Variants in HUNK observed in about 807,000 individuals in gnomAD.
The protein encoded by HUNK is hormonally up-regulated Neu-associated kinase.
HUNK carries 21 observed loss-of-function variants against 61.0 expected under a neutral mutation model. The observed-to-expected ratio is 0.34, with a 90% CI of 0.24 to 0.50. HUNK has a LOEUF of 0.50. Among genes scored for constraint, HUNK ranks in the 20% least tolerant of loss-of-function variants. The probability of loss-of-function intolerance (pLI) is 0.98; values close to 1 mark genes in which losing one functional copy is unlikely to be tolerated. For synonymous variants in HUNK, 371 were observed against 386.1 expected, an observed-to-expected ratio of 0.96 and a Z score of 0.46; for missense variants, 772 against 945.7, an observed-to-expected ratio of 0.82 and a Z score of 2.41.
chr21:31,900,314 T>C (rs1263792176), intron 1 of HUNK, among the ~76,000 whole-genome samples: 1 of 152,020 alleles, frequency 6.6e-6, no homozygotes, highest in Non-Finnish European at 1.5e-5. Context: ...GGAGGTAGTT[T>C]CTCCCCGCTC....
At chr21:31,987,864 C>T (rs2053144720) in intron 8 of HUNK, among the ~76,000 whole-genome samples, 1 of 152,166 alleles carries the variant, frequency 6.6e-6, no homozygotes, top group Non-Finnish European at 1.5e-5. Context: ...CACCACATGG[C>T]AGGGGGTGGA....
At chr21:31,949,716 A>G (rs1203877575) in intron 4 of HUNK, among the ~76,000 whole-genome samples, 1 of 152,106 alleles carries the variant, frequency 6.6e-6, no homozygotes, top group East Asian at 1.9e-4. Flanking sequence ...AAAGAGCTCT[A>G]TTTGGCTCAT....
rs569539039 is a variant in HUNK, at chr21:31,999,877, T to C, written c.*693T>C. On this transcript the variant is annotated 3_prime_UTR_variant, in exon 11 of 11. Coordinates refer to ENST00000270112, the MANE Select transcript of HUNK (RefSeq NM_014586.2). ...ATGATTGAATTATCTTTTCCAAAGA[T>C]TTTTTTTAAATGTGATGTCGGTAAA... 0.057 allele frequency: 9,703 copies of C among 170,496 alleles called. 217 individuals carry two copies. The highest frequency in any genetic ancestry group is 0.079 in the Middle Eastern group (71 of 902). 10.6% of individuals were successfully genotyped at this position (170,496 alleles called of 1,614,324 possible).
chr21:31,902,309 G>A (rs570173079), intron 1 of HUNK, among the ~76,000 whole-genome samples: 107 of 152,244 alleles, frequency 7.0e-4, no homozygotes, highest in African/African-American at 2.4e-3. Context: ...TTGGGAGTTC[G>A]AGAGCAGCCT....
In HUNK at chr21:31,924,341, G is replaced by A; in HGVS notation, c.262-127G>A. On this transcript the variant is annotated intron_variant, in intron 1 of 10. Coordinates refer to ENST00000270112, the MANE Select transcript of HUNK (RefSeq NM_014586.2). This position sits in a 1 kb window ranked among gnomAD's most constrained non-coding sequence, Gnocchi z 5.1. Reference sequence around the variant, plus strand: ...TATATATATATTTTCTGTTGATGCTGTTTTAGGTAAGGTGTTTCTCCTCTG... The same window carrying A: ...TATATATATATTTTCTGTTGATGCTATTTTAGGTAAGGTGTTTCTCCTCTG... 2.8e-6 allele frequency: 2 copies of A among 714,298 alleles called. No homozygotes were observed. Among genetic ancestry groups the A allele is most frequent in the Non-Finnish European group, 4.6e-6 (2 of 437,684 alleles). The allele number at this position is 714,298 out of a possible 1,614,324, so 44.2% of individuals were successfully genotyped here. A position where few individuals can be genotyped will look rare whatever the true frequency, so the allele number is the denominator to read the frequency against.
chr21:32,003,836 G>A lies in HUNK; in HGVS notation c.*4652G>A, dbSNP rs1367699611. 6.6e-6 allele frequency: 1 copy of A among 152,286 alleles called. No individual in the cohort carries two copies. The highest frequency in any genetic ancestry group is 2.4e-5 in the African/African-American group (1 of 41,458). 9.4% of individuals were successfully genotyped at this position (152,286 alleles called of 1,614,324 possible). On this transcript the variant is annotated 3_prime_UTR_variant, in exon 11 of 11. Coordinates refer to ENST00000270112, the MANE Select transcript of HUNK (RefSeq NM_014586.2). Reference sequence around the variant, plus strand: ...GGAGAAAGCTGAGGAGGCTTTGGAAGAGAAGGTGAGGAGCATTTCAGGATT... The same window carrying A: ...GGAGAAAGCTGAGGAGGCTTTGGAAAAGAAGGTGAGGAGCATTTCAGGATT...
intron 2 of HUNK, among the ~76,000 whole-genome samples, chr21:31,925,927 T>A (rs990457910): frequency 3.1e-4 from 47 of 149,620 alleles, no homozygotes; most frequent in Admixed American, 1.9e-3. Context: ...CAGAAATATT[T>A]TTTTTTTTTT....
chr21:31,916,291 C>T (rs1283703474), intron 1 of HUNK, among the ~76,000 whole-genome samples: 2 of 151,854 alleles, frequency 1.3e-5, no homozygotes, highest in Non-Finnish European at 2.9e-5. Context: ...GCCTCGTTAT[C>T]CGCCCGCCTC....
chr21:31,878,905 T>A (rs2052285780), intron 1 of HUNK, among the ~76,000 whole-genome samples: 1 of 152,152 alleles, frequency 6.6e-6, no homozygotes, highest in Admixed American at 6.5e-5. Context: ...GTTGAGTACA[T>A]AAAATGATTG....
chr21:31,937,381 G>C (rs1460331135), intron 2 of HUNK, among the ~76,000 whole-genome samples: 1 of 152,206 alleles, frequency 6.6e-6, no homozygotes, highest in Non-Finnish European at 1.5e-5. Flanking sequence ...ATAACTTCTA[G>C]AGATACGGCC....
chr21:31,979,512 ATTCTTTTTTTTTTTTTTTTT>A (rs1242897271), intron 7 of HUNK, among the ~76,000 whole-genome samples: 1 of 99,508 alleles, frequency 1.0e-5, no homozygotes, highest in African/African-American at 3.9e-5. Context: ...AGTTGTTTGC[ATTCTTTTTTTTTTTTTTTTT>A]TTTTTTTTTT....
intron 1 of HUNK, among the ~76,000 whole-genome samples, chr21:31,900,643 A>G (rs2052459963): frequency 6.6e-6 from 1 of 152,164 alleles, no homozygotes; most frequent in Admixed American, 6.5e-5. Flanking sequence ...GCACTCTACT[A>G]CAGAGCCCTG....
At chr21:31,929,324 A>G (rs1032445957) in intron 2 of HUNK, among the ~76,000 whole-genome samples, 3 of 151,908 alleles carry the variant, frequency 2.0e-5, no homozygotes, top group Non-Finnish European at 2.9e-5. Context: ...TTCCTATTAG[A>G]TTGGACTTGC....
At chr21:31,978,747 G>A (rs2053069438) in intron 7 of HUNK, among the ~76,000 whole-genome samples, 1 of 152,096 alleles carries the variant, frequency 6.6e-6, no homozygotes, top group South Asian at 2.1e-4. Flanking sequence ...GGACACAATA[G>A]CCATTTCCTG....
chr21:31,900,897 G>A (rs2052462446), intron 1 of HUNK, among the ~76,000 whole-genome samples: 2 of 152,072 alleles, frequency 1.3e-5, no homozygotes, highest in South Asian at 2.1e-4. Context: ...ACTGTCTCAC[G>A]GTAACCCAGA....
intron 8 of HUNK, among the ~76,000 whole-genome samples, chr21:31,988,211 G>A (rs902072973): frequency 1.3e-5 from 2 of 152,084 alleles, no homozygotes; most frequent in African/African-American, 4.8e-5. Flanking sequence ...TGTGCCCGAC[G>A]GACTCCTTTT....
At chr21:31,959,081 G>C in intron 5 of HUNK, 111 bp downstream of exon 5, 1 of 1,134,812 alleles carries the variant, frequency 8.8e-7, no homozygotes, top group Non-Finnish European at 1.2e-6. Context: ...TCTATCCCAT[G>C]GTTATAAGTT....
At chr21:31,962,203 G>A (rs1029775073) in intron 5 of HUNK, among the ~76,000 whole-genome samples, 24 of 152,306 alleles carry the variant, frequency 1.6e-4, no homozygotes, top group African/African-American at 5.5e-4. Flanking sequence ...AAGAGAATGG[G>A]GCAGTGCAAC....
intron 5 of HUNK, among the ~76,000 whole-genome samples, chr21:31,967,394 G>T (rs370502943): frequency 6.6e-6 from 1 of 151,970 alleles, no homozygotes; most frequent in Non-Finnish European, 1.5e-5. Flanking sequence ...AAAATAAAAG[G>T]CTTCGTGTGC....
Sources: allele counts gnomAD v4.1 joint callset (sites outside exome capture counted in the v4.1 genomes callset), GRCh38; gene constraint gnomAD v4.1.1; non-coding constraint Gnocchi (gnomAD v3.1); transcripts MANE v1.5; gene names NCBI Gene and HGNC (gene_info 2026-07-23, HGNC 2026-07-21).